Variants in DIP2C observed in about 807,000 individuals in gnomAD.
DIP2C encodes disco-interacting protein 2 homolog C.
DIP2C carries 33 observed loss-of-function variants against 192.4 expected under a neutral mutation model. The ratio of observed to expected loss-of-function variants is 0.17; its 90% CI spans 0.13 to 0.23. The LOEUF (loss-of-function observed/expected upper bound fraction) is 0.23. Among genes scored for constraint, DIP2C ranks in the 10% least tolerant of loss-of-function variants. The pLI is 1.00. For missense variants in DIP2C, 1,537 were observed against 2,110.1 expected (o/e 0.73, Z 5.32); for synonymous variants, 979 against 864.1 (o/e 1.13, Z -2.33).
chr10:517,381 C>T (rs1378466527), intron 1 of DIP2C, among the ~76,000 whole-genome samples: 2 of 152,178 alleles, frequency 1.3e-5, no homozygotes, highest in African/African-American at 4.8e-5. Flanking sequence ...CGAGGGCAGT[C>T]CTGAGTCAGC....
At chr10:481,330 T>C (rs1407536568) in intron 2 of DIP2C, among the ~76,000 whole-genome samples, 1 of 152,206 alleles carries the variant, frequency 6.6e-6, no homozygotes, top group Non-Finnish European at 1.5e-5. Context: ...AAATGCCAAC[T>C]GCAGGGACCT....
At chr10:324,243 TTTG>T (rs1957164204) in intron 31 of DIP2C, among the ~76,000 whole-genome samples, 1 of 152,236 alleles carries the variant, frequency 6.6e-6, no homozygotes, top group African/African-American at 2.4e-5. Context: ...CATAAGTTTC[TTTG>T]TAGTAAAATT....
chr10:499,800 C>G (rs745386804), intron 1 of DIP2C, among the ~76,000 whole-genome samples: 1 of 152,214 alleles, frequency 6.6e-6, no homozygotes, highest in East Asian at 1.9e-4. Flanking sequence ...GTATCATGGG[C>G]TTTACTAACA....
chr10:681,327 C>T (rs778828633), intron 1 of DIP2C, among the ~76,000 whole-genome samples: 9 of 151,920 alleles, frequency 5.9e-5, no homozygotes, highest in Admixed American at 3.9e-4. Context: ...GTATGGCCAC[C>T]GCCTGTGGCC....
chr10:647,786 A>T (rs1200779106), intron 1 of DIP2C, among the ~76,000 whole-genome samples: 1 of 149,184 alleles, frequency 6.7e-6, no homozygotes, highest in Non-Finnish European at 1.5e-5. Flanking sequence ...AGCAAAACTG[A>T]GTCCACGTCC....
chr10:290,231 T>C (rs1434910873), intron 32 of DIP2C, among the ~76,000 whole-genome samples: 1 of 152,220 alleles, frequency 6.6e-6, no homozygotes, highest in Non-Finnish European at 1.5e-5. Context: ...CAACAGCTGA[T>C]GAGGGCTGCC....
intron 3 of DIP2C, among the ~76,000 whole-genome samples, chr10:469,714 T>C (rs1206451460): frequency 6.6e-6 from 1 of 152,114 alleles, no homozygotes; most frequent in Non-Finnish European, 1.5e-5. Context: ...GCTAAAGTGA[T>C]CTTCAAACCC....
intron 32 of DIP2C, among the ~76,000 whole-genome samples, chr10:293,999 G>T (rs371726491): frequency 3.3e-5 from 5 of 152,104 alleles, no homozygotes; most frequent in Non-Finnish European, 7.4e-5. Flanking sequence ...TAACCTAACC[G>T]CATTGCACAA....
At chr10:581,148 C>A (rs565295638) in intron 1 of DIP2C, among the ~76,000 whole-genome samples, 1 of 152,166 alleles carries the variant, frequency 6.6e-6, no homozygotes, top group African/African-American at 2.4e-5. Flanking sequence ...TTCCCCACCA[C>A]AAAGTGGACA....
At chr10:587,282 C>T (rs1255302504) in intron 1 of DIP2C, among the ~76,000 whole-genome samples, 2 of 152,012 alleles carry the variant, frequency 1.3e-5, no homozygotes, top group Non-Finnish European at 2.9e-5. Context: ...CCCAGGGTCC[C>T]GCTGATACCA....
At chr10:484,990 T>C in intron 2 of DIP2C, 4 of 1,551,160 alleles carry the variant, frequency 2.6e-6, no homozygotes, top group Non-Finnish European at 3.5e-6. Flanking sequence ...CAAACTTTAG[T>C]TTTTTTTAAA....
Position 661,251 on chromosome 10 carries a change from G to C in DIP2C, c.85+28243C>G, listed in dbSNP as rs542238208. On this transcript the variant is annotated intron_variant, in intron 1 of 36. Coordinates refer to ENST00000280886, the MANE Select transcript of DIP2C (RefSeq NM_014974.3). ...AGTCCCTGAACAGAGAGAGAAGACT[G>C]CAGCCTCCCTGGGGACCTGGCTCCA... Among the ~76,000 whole-genome samples the C allele has an allele frequency of 2.0e-5, 3 of 152,334 alleles. No homozygotes were observed. In the East Asian group the frequency reaches 5.8e-4, roughly 29 times the overall value.
chr10:604,419 C>T (rs1013205712), intron 1 of DIP2C, among the ~76,000 whole-genome samples: 12 of 152,278 alleles, frequency 7.9e-5, no homozygotes, highest in Middle Eastern at 3.4e-3. Flanking sequence ...GGGATGAACA[C>T]ATTCGGAACA....
At chr10:291,296 CA>C (rs1273626707) in intron 32 of DIP2C, among the ~76,000 whole-genome samples, 1 of 152,238 alleles carries the variant, frequency 6.6e-6, no homozygotes, top group Non-Finnish European at 1.5e-5. Flanking sequence ...GGAAGATCAT[CA>C]AGAATTCCCT....
At position 561,936 on chromosome 10, in the gene DIP2C, G is replaced by A. The variant is rs527684398; in HGVS notation, c.86-75406C>T. On this transcript the variant is annotated intron_variant, in intron 1 of 36. Coordinates refer to ENST00000280886, the MANE Select transcript of DIP2C (RefSeq NM_014974.3). The stretch of plus-strand genomic sequence containing the variant: ...GCCCCACCTTCGGTGTCAGCAGTGC[G>A]GCTCCGCTGAGACCCTCCTGCACCA... 2.3e-4 allele frequency among the ~76,000 whole-genome samples: 35 copies of A among 152,362 alleles called. No homozygotes were observed. In the East Asian group the frequency reaches 3.3e-3, roughly 14 times the overall value.
intron 9 of DIP2C, among the ~76,000 whole-genome samples, chr10:404,526 CA>C: frequency 6.6e-6 from 1 of 152,224 alleles, no homozygotes; most frequent in African/African-American, 2.4e-5. Flanking sequence ...TGAAGTTAAA[CA>C]ATTTTTTATG....
intron 6 of DIP2C, among the ~76,000 whole-genome samples, chr10:416,574 A>G (rs1016404523): frequency 6.6e-6 from 1 of 152,222 alleles, no homozygotes; most frequent in African/African-American, 2.4e-5. Flanking sequence ...ACAGAATACT[A>G]GCCCCTACCT....
intron 1 of DIP2C, among the ~76,000 whole-genome samples, chr10:615,139 A>C (rs1853366857): frequency 6.6e-6 from 1 of 152,230 alleles, no homozygotes; most frequent in South Asian, 2.1e-4. Context: ...GACACACGTG[A>C]CACTTCTCGG....
At chr10:310,120 C>A (rs528126847) in intron 31 of DIP2C, 28 bp from the exon 32 acceptor site, 3 of 1,608,574 alleles carry the variant, frequency 1.9e-6, no homozygotes, top group Middle Eastern at 3.3e-4. Flanking sequence ...GTGGTTAACT[C>A]AAGTTTACAT....
Sources: gnomAD v4.1 joint callset for allele counts (sites outside exome capture counted in the v4.1 genomes callset) on GRCh38, gnomAD v4.1.1 for gene constraint, MANE v1.5 for transcripts, NCBI Gene and HGNC (gene_info 2026-07-23, HGNC 2026-07-21) for gene names.